The following ANKDD1A variants were observed in gnomAD, a reference collection of about 807,000 sequenced individuals.
The protein encoded by ANKDD1A is ankyrin repeat and death domain containing 1A.
Under a neutral mutation model 63.5 loss-of-function variants are expected in ANKDD1A, and 59 were observed. The ratio of observed to expected loss-of-function variants is 0.93; its 90% CI spans 0.75 to 1.15. ANKDD1A has a LOEUF of 1.15. Among genes scored for constraint, ANKDD1A ranks in the 50% most tolerant of loss-of-function variants. ANKDD1A has a pLI of 0.00. For synonymous variants in ANKDD1A, 266 were observed against 263.9 expected (o/e 1.01, Z -0.08); for missense variants, 632 against 656.4 (o/e 0.96, Z 0.41).
chr15:64,954,750 CT>C lies in ANKDD1A; in HGVS notation c.1484-2350del, dbSNP rs2085397085. Reference sequence around the variant, plus strand: ...CTCCTTCTTCTTCCTTCTCCTTCTTCTTTCTTTTTGTTCTTCTTTCTTCTTC... The same window carrying C: ...CTCCTTCTTCTTCCTTCTCCTTCTTCTTCTTTTTGTTCTTCTTTCTTCTTC... On this transcript the variant is annotated intron_variant, in intron 14 of 14. Transcript: ENST00000319580. Among the ~76,000 whole-genome samples the C allele has an allele frequency of 2.3e-3, 227 of 97,094 alleles. 1 individual carries two copies. Among genetic ancestry groups the C allele is most frequent in the African/African-American group, 7.1e-3 (214 of 30,246 alleles). The allele number at this position is 97,094 out of a possible 152,430, so 63.7% of individuals were successfully genotyped here.
At chr15:64,922,131 CCT>C in intron 4 of ANKDD1A, 112 bp downstream of exon 4, 1 of 863,562 alleles carries the variant, frequency 1.2e-6, no homozygotes, top group Non-Finnish European at 1.8e-6. Flanking sequence ...CCCCAACCTG[CCT>C]CTGCCTGTCC....
At chr15:64,942,205 C>T (rs116403068) in intron 9 of ANKDD1A, among the ~76,000 whole-genome samples, 1,696 of 152,164 alleles carry the variant, frequency 0.011, 41 homozygotes, top group African/African-American at 0.04. Context: ...ATGACTTGCC[C>T]GAGGTCACAT....
At chr15:64,916,202 G>T (rs2084967304) in intron 2 of ANKDD1A, among the ~76,000 whole-genome samples, 2 of 152,188 alleles carry the variant, frequency 1.3e-5, no homozygotes, top group South Asian at 4.1e-4. Flanking sequence ...AGGGTCAAAG[G>T]TCAGCAGCCA....
At position 64,942,506 on chromosome 15, in the gene ANKDD1A, T is replaced by C; in HGVS notation, c.907T>C (p.Phe303Leu). 6.2e-7 allele frequency: 1 copy of C among 1,613,776 alleles called. No homozygotes were observed. Among genetic ancestry groups the C allele is most frequent in the Non-Finnish European group, 8.5e-7 (1 of 1,179,870 alleles). Residue 303 changes from phenylalanine to leucine, a missense_variant, in exon 10 of 15, where the codon TTC (phenylalanine) becomes CTC (leucine). Transcript: ENST00000319580. ...TCTGCACCTCGCTGTGAGGCACAAC[T>C]TCCCTGCCTTGGTCCGGCTCCTCAT... ...SPLHLAVRHN[F>L]PALVRLLINS... is the part of the protein sequence containing the mutation.
At chr15:64,950,727 C>CGGGGGG in intron 14 of ANKDD1A, 1 of 425,052 alleles carries the variant, frequency 2.4e-6, no homozygotes, top group Non-Finnish European at 2.6e-6. Context: ...AAAGAAAGGA[C>CGGGGGG]CGCCCCCCCC....
At chr15:64,928,213 G>A (rs757529841) in intron 6 of ANKDD1A, among the ~76,000 whole-genome samples, 2 of 152,216 alleles carry the variant, frequency 1.3e-5, no homozygotes, top group Non-Finnish European at 2.9e-5. Context: ...CCCTTACCAG[G>A]CTGCCTCCTG....
intron 4 of ANKDD1A, among the ~76,000 whole-genome samples, chr15:64,925,827 C>T (rs970554646): frequency 6.6e-6 from 1 of 152,098 alleles, no homozygotes; most frequent in Non-Finnish European, 1.5e-5. Context: ...CCCGAGACTC[C>T]GGAGCTGAGG....
At chr15:64,946,180 T>G (rs1476144132) in intron 12 of ANKDD1A, among the ~76,000 whole-genome samples, 3 of 152,206 alleles carry the variant, frequency 2.0e-5, no homozygotes, top group African/African-American at 7.2e-5. Context: ...ATAAATAAAC[T>G]TAATATAACA....
intron 3 of ANKDD1A, 113 bp from the exon 4 acceptor site, chr15:64,921,808 G>A (rs2085008360): frequency 1.9e-5 from 16 of 842,366 alleles, no homozygotes; most frequent in Non-Finnish European, 2.9e-5. Context: ...CCTGGATTAA[G>A]TGGCACTTAT....
At chr15:64,952,961 CT>C (rs368643240) in intron 14 of ANKDD1A, among the ~76,000 whole-genome samples, 1 of 84,550 alleles carries the variant, frequency 1.2e-5, no homozygotes, top group Non-Finnish European at 2.2e-5. Flanking sequence ...CTTTCTTCCT[CT>C]TCTTCTTTTC....
At chr15:64,942,939 C>A (rs79562978) in intron 10 of ANKDD1A, among the ~76,000 whole-genome samples, 3,028 of 152,226 alleles carry the variant, frequency 0.02, 112 homozygotes, top group South Asian at 0.12. Context: ...CAGTAAAGCC[C>A]TTTTAAATCC....
intron 10 of ANKDD1A, chr15:64,943,271 G>A (rs1336649804): frequency 1.8e-6 from 1 of 549,292 alleles, no homozygotes; most frequent in African/African-American, 1.9e-5. Context: ...AGAGTTTATA[G>A]TACACAAAAA....
At chr15:64,948,804 G>T (rs931525745) in intron 13 of ANKDD1A, among the ~76,000 whole-genome samples, 6 of 151,880 alleles carry the variant, frequency 4.0e-5, no homozygotes, top group Non-Finnish European at 7.4e-5. Context: ...CCAGCCTGGG[G>T]GACAGAGTGA....
chr15:64,953,624 C>CTCCTTCTTAG (rs2085351206), intron 14 of ANKDD1A, among the ~76,000 whole-genome samples: 7 of 19,876 alleles, frequency 3.5e-4, no homozygotes, highest in Non-Finnish European at 1.6e-3. Context: ...CCTTCTTCTT[C>CTCCTTCTTAG]TTCTTCCTTC....
At chr15:64,943,307 A>T (rs2085198777) in intron 10 of ANKDD1A, 177 bp from the exon 11 acceptor site, 2 of 613,380 alleles carry the variant, frequency 3.3e-6, no homozygotes, top group Non-Finnish European at 2.9e-6. Context: ...AAAAAAATTA[A>T]GATGTAAAAT....
chr15:64,953,596 T>TC, intron 14 of ANKDD1A, among the ~76,000 whole-genome samples: 2 of 58,838 alleles, frequency 3.4e-5, no homozygotes, highest in East Asian at 4.5e-4. Flanking sequence ...TTCCTTCTCC[T>TC]TTTCTTCTTT....
rs1566915137 is a variant in ANKDD1A, at chr15:64,950,741, C to CATAG, written c.1483+769_1483+770insATAG. On this transcript the variant is annotated intron_variant, in intron 14 of 14. Coordinates refer to ENST00000319580, the MANE Select transcript of ANKDD1A (RefSeq NM_182703.6). The stretch of plus-strand genomic sequence containing the variant: ...AAAAGAAAGGACCGCCCCCCCCCCC[C>CATAG]CCCCCCCCCATAGCTGCTATAGGCA... The CATAG allele has an allele frequency of 3.2e-5, 28 of 877,454 alleles. No individual in the cohort carries two copies. In the East Asian group the frequency reaches 2.5e-3, roughly 80 times the overall value. 54.4% of individuals were successfully genotyped at this position (877,454 alleles called of 1,614,324 possible).
chr15:64,946,645 C>T (rs1191297777), intron 12 of ANKDD1A, among the ~76,000 whole-genome samples: 1 of 152,170 alleles, frequency 6.6e-6, no homozygotes, highest in African/African-American at 2.4e-5. Context: ...GGCCAGACAT[C>T]AGTGGTTCTT....
chr15:64,951,801 CTCTTT>C lies in ANKDD1A; in HGVS notation c.1483+1834_1483+1838del, dbSNP rs1382879464. On this transcript the variant is annotated intron_variant, in intron 14 of 14. Coordinates refer to ENST00000319580, the MANE Select transcript of ANKDD1A (RefSeq NM_182703.6). ...TCCTTTCTTCTTCCTTCTTTCTTTC[CTCTTT>C]TCTTCTTTCTTCCTCTTCTTCATCC... is the stretch of plus-strand genomic sequence containing the variant. Among the ~76,000 whole-genome samples, 367 of 103,290 alleles carry C rather than the reference CTCTTT, an allele frequency of 3.6e-3. 3 individuals carry two copies. The highest frequency in any genetic ancestry group is 0.012 in the African/African-American group (341 of 27,746). 67.8% of individuals were successfully genotyped at this position (103,290 alleles called of 152,430 possible).
Sources: allele counts gnomAD v4.1 joint callset (sites outside exome capture counted in the v4.1 genomes callset), GRCh38; gene constraint gnomAD v4.1.1; transcripts MANE v1.5; gene names NCBI Gene and HGNC (gene_info 2026-07-23, HGNC 2026-07-21).